Variants in PCDHAC1 observed in about 807,000 individuals in gnomAD.
The protein encoded by PCDHAC1 is protocadherin alpha subfamily C, 1, also known as protocadherin alpha-C1.
A neutral mutation model predicts 60.0 loss-of-function variants in PCDHAC1; 42 were observed. The ratio of observed to expected loss-of-function variants is 0.70; its 90% CI spans 0.55 to 0.90. The LOEUF (loss-of-function observed/expected upper bound fraction) is 0.90. PCDHAC1 is among the 40% of genes least tolerant of loss of function. The pLI, the probability that PCDHAC1 is intolerant of heterozygous loss-of-function variation, is 0.00. For synonymous variants in PCDHAC1, 468 were observed against 499.3 expected, an observed-to-expected ratio of 0.94 and a Z score of 0.84; for missense variants, 1,160 against 1,222.3, an observed-to-expected ratio of 0.95 and a Z score of 0.76.
intron 1 of PCDHAC1, among the ~76,000 whole-genome samples, chr5:140,951,327 C>T (rs782778063): frequency 5.3e-5 from 8 of 152,026 alleles, no homozygotes; most frequent in Non-Finnish European, 8.8e-5. Context: ...TGAGATTCAT[C>T]ATTCTGTTTG....
intron 2 of PCDHAC1, among the ~76,000 whole-genome samples, chr5:140,980,093 G>A (rs1223807762): frequency 2.0e-5 from 3 of 152,166 alleles, no homozygotes; most frequent in South Asian, 2.1e-4. Context: ...AGTTGGCTTG[G>A]TAAGATGTCA....
In PCDHAC1 at chr5:140,929,079, T is replaced by G. The variant is rs76301676; in HGVS notation, c.2187T>G (p.Ser729Arg). 5,184 of 1,614,178 alleles carry G rather than the reference T, an allele frequency of 3.2e-3. 26 individuals are homozygous for G. Among genetic ancestry groups the G allele is most frequent in the African/African-American group, 0.019 (1,450 of 75,034 alleles). The change falls in exon 1 of 4, where the codon AGT (serine) becomes AGG (arginine). Residue 729 changes from serine (S) to arginine (R), a missense_variant. This residue lies in a region of PCDHAC1 where 1,113 missense variants were observed against 1,163.7 expected (regional missense o/e 0.96). Transcript: ENST00000253807. ...CTACAGAGGATCTGAGGTATGGAAGTAAGATGGTTTCAAATCCTTGCATGA... is the reference window on the plus strand; with the variant it reads ...CTACAGAGGATCTGAGGTATGGAAGGAAGATGGTTTCAAATCCTTGCATGA... Reference protein sequence around the residue: ...CRSTEDLRYGSKMVSNPCMTS... With the variant: ...CRSTEDLRYGRKMVSNPCMTS...
chr5:140,980,890 C>G (rs1554242450), intron 2 of PCDHAC1, among the ~76,000 whole-genome samples: 1 of 152,104 alleles, frequency 6.6e-6, no homozygotes, highest in African/African-American at 2.4e-5. Flanking sequence ...TCTTTCCAGT[C>G]TTGGACATCA....
rs1563109708 is a variant in PCDHAC1, at chr5:140,928,809, GGACCATGGA to G, written c.1922_1930del (p.His641_Asp643del). 1 of 1,614,078 alleles carries G rather than the reference GGACCATGGA, an allele frequency of 6.2e-7. No homozygotes were observed. Among genetic ancestry groups the G allele is most frequent in the Non-Finnish European group, 8.5e-7 (1 of 1,180,044 alleles). On this transcript the variant is annotated inframe_deletion, in exon 1 of 4. Transcript: ENST00000253807. ...AGCAGAGGGTGGTGGTAGTGGTTCGGGACCATGGAGACCCACCACTTTCCTCCTCTGTCA... is the reference window on the plus strand; with the variant it reads ...AGCAGAGGGTGGTGGTAGTGGTTCGGGACCCACCACTTTCCTCCTCTGTCA...
At position 140,979,365 on chromosome 5, in the gene PCDHAC1, C is replaced by T. The variant is rs782063202; in HGVS notation, c.2492+358C>T. Among the ~76,000 whole-genome samples, 13 of 151,916 alleles carry T rather than the reference C, an allele frequency of 8.6e-5. 1 individual carries two copies. The highest frequency in any genetic ancestry group is 1.5e-5 in the Non-Finnish European group (1 of 67,992). On this transcript the variant is annotated intron_variant, in intron 2 of 3. Coordinates refer to ENST00000253807, the MANE Select transcript of PCDHAC1 (RefSeq NM_018898.5). ...TGTAATTAATACTCATGCTTTGAGA[C>T]TTGGGTACATTGTGCAATGTATACA...
At chr5:140,973,062 G>GTC (rs1554234872) in intron 1 of PCDHAC1, among the ~76,000 whole-genome samples, 1 of 152,138 alleles carries the variant, frequency 6.6e-6, no homozygotes, top group African/African-American at 2.4e-5. Context: ...GTCCAACAGT[G>GTC]TCTCAGTGGG....
Position 140,928,053 on chromosome 5 carries a change from G to C in PCDHAC1, c.1161G>C (p.Leu387=). 6.2e-7 allele frequency: 1 copy of C among 1,614,212 alleles called. No homozygotes were observed. Among genetic ancestry groups the C allele is most frequent in the Non-Finnish European group, 8.5e-7 (1 of 1,180,052 alleles). ...TGTCTAGTGCAGGCCCTTTTCAGCT[G>C]ACGGCTTCCTTTGACAACTACTACA... ...CGMSSAGPFQ[L]TASFDNYYSL... The change falls in exon 1 of 4, where the codon CTG becomes CTC. Residue 387 remains leucine (L), a synonymous_variant. Coordinates refer to ENST00000253807, the MANE Select transcript of PCDHAC1 (RefSeq NM_018898.5).
At chr5:140,990,109 T>C (rs2097374572) in intron 3 of PCDHAC1, among the ~76,000 whole-genome samples, 1 of 151,886 alleles carries the variant, frequency 6.6e-6, no homozygotes, top group African/African-American at 2.4e-5. Context: ...AAACAGGAAA[T>C]TGAGAGCTCT....
At chr5:140,979,083 C>T (rs563728648) in intron 2 of PCDHAC1, 76 bp downstream of exon 2, 207 of 1,562,578 alleles carry the variant, frequency 1.3e-4, no homozygotes, top group Admixed American at 6.5e-4. Context: ...TCTCCATAGG[C>T]CAGAAGCAGC....
chr5:141,005,499 C>T (rs1399657712), intron 3 of PCDHAC1, among the ~76,000 whole-genome samples: 1 of 151,380 alleles, frequency 6.6e-6, no homozygotes, highest in Non-Finnish European at 1.5e-5. Context: ...GTCAGGAGAT[C>T]GAGACCATCC....
At chr5:140,970,567 T>G (rs558796957) in intron 1 of PCDHAC1, among the ~76,000 whole-genome samples, 7 of 152,284 alleles carry the variant, frequency 4.6e-5, no homozygotes, top group African/African-American at 1.7e-4. Context: ...TCCATATGTA[T>G]GCTTGAAATA....
intron 3 of PCDHAC1, among the ~76,000 whole-genome samples, chr5:140,996,330 A>G (rs551945424): frequency 6.6e-6 from 1 of 152,208 alleles, no homozygotes; most frequent in Non-Finnish European, 1.5e-5. Flanking sequence ...TAGAGAAGAA[A>G]AGTTTGAAAA....
At chr5:140,930,169 A>G (rs1312219690) in intron 1 of PCDHAC1, 1 of 152,184 alleles carries the variant, frequency 6.6e-6, no homozygotes, top group Non-Finnish European at 1.5e-5. Context: ...AATATTTTAC[A>G]AAGAGGAAAG....
chr5:140,994,379 G>A (rs2097618506), intron 3 of PCDHAC1, among the ~76,000 whole-genome samples: 1 of 152,112 alleles, frequency 6.6e-6, no homozygotes. Flanking sequence ...AAATTCAGGG[G>A]ACTAAGTCAG....
In PCDHAC1 at chr5:141,010,916, A is replaced by G. The variant is rs1554263193; in HGVS notation, c.*979A>G. The G allele has an allele frequency of 6.5e-6, 1 of 153,780 alleles. No individual in the cohort carries two copies. The highest frequency in any genetic ancestry group is 2.4e-5 in the African/African-American group (1 of 41,454). 9.5% of individuals were successfully genotyped at this position (153,780 alleles called of 1,614,324 possible). On this transcript the variant is annotated 3_prime_UTR_variant, in exon 4 of 4. Transcript: ENST00000253807. ...ATACAATTCCCCTAAACTCTCCTCAAAAGAGAATTCAGTCTACAGCCATTT... is the reference window on the plus strand; with the variant it reads ...ATACAATTCCCCTAAACTCTCCTCAGAAGAGAATTCAGTCTACAGCCATTT...
At chr5:140,958,921 G>A (rs269549) in intron 1 of PCDHAC1, among the ~76,000 whole-genome samples, 34,177 of 150,822 alleles carry the variant, frequency 0.23, 4,980 homozygotes, top group African/African-American at 0.42. Context: ...GCCTGGGTGT[G>A]GTGGCTCATA....
chr5:140,985,346 A>G (rs2097147411), intron 3 of PCDHAC1, among the ~76,000 whole-genome samples: 1 of 152,186 alleles, frequency 6.6e-6, no homozygotes, highest in African/African-American at 2.4e-5. Flanking sequence ...GCAGGCCCAG[A>G]TATAGACCCT....
rs2098414886 is a variant in PCDHAC1, at chr5:141,009,848, A to T, written c.2803A>T (p.Thr935Ser). 7 of 1,614,012 alleles carry T rather than the reference A, an allele frequency of 4.3e-6. No homozygotes were observed. Among genetic ancestry groups the T allele is most frequent in the Non-Finnish European group, 5.1e-6 (6 of 1,180,014 alleles). ...DFITFGKKEE[T>S]KKKKKKKKGN... ...CATAACCTTCGGCAAAAAGGAGGAGACCAAGAAAAAGAAGAAAAAGAAGAA... is the reference window on the plus strand; with the variant it reads ...CATAACCTTCGGCAAAAAGGAGGAGTCCAAGAAAAAGAAGAAAAAGAAGAA... The change falls in exon 4 of 4, where the codon ACC becomes TCC. Residue 935 changes from threonine (T) to serine (S), a missense_variant. Thr to Ser is a moderately conservative substitution (Grantham distance 58). Around this residue, in one of 3 missense-constraint regions of PCDHAC1, gnomAD observed 1,113 missense variants for 1,163.7 expected, o/e 0.96. Transcript: ENST00000253807.
At chr5:140,960,488 GT>G (rs1373763536) in intron 1 of PCDHAC1, among the ~76,000 whole-genome samples, 4 of 152,150 alleles carry the variant, frequency 2.6e-5, no homozygotes, top group African/African-American at 9.7e-5. Flanking sequence ...AGAGGTGTAG[GT>G]TTGTTTGTTC....
Sources: gnomAD v4.1 joint callset for allele counts (sites outside exome capture counted in the v4.1 genomes callset) on GRCh38, gnomAD v4.1.1 for gene constraint, gnomAD v4.1.1 regional missense constraint, MANE v1.5 for transcripts, NCBI Gene and HGNC (gene_info 2026-07-23, HGNC 2026-07-21) for gene names.